Variants in STS observed in about 807,000 individuals in gnomAD.
STS encodes steroid sulfatase.
In STS, 7 loss-of-function variants were observed where a neutral mutation model predicts 26.8. That is an observed-to-expected ratio of 0.26 (90% CI 0.15 to 0.49). The LOEUF (loss-of-function observed/expected upper bound fraction) is 0.49. STS is among the 20% of genes least tolerant of loss of function. The pLI is 0.98. For missense variants in STS, 434 were observed against 465.6 expected (o/e 0.93, Z 0.63); for synonymous variants, 199 against 189.4 (o/e 1.05, Z -0.42).
chrX:7,325,313 C>T (rs779137436), intron 8 of STS, 26 bp from the exon 9 acceptor site: 6 of 1,207,278 alleles, frequency 5.0e-6, no homozygotes, highest in Non-Finnish European at 6.7e-6. Context: ...TCCCTGTTGC[C>T]TCTTACCTCT....
intron 10 of STS, among the ~76,000 whole-genome samples, chrX:7,335,355 C>G (rs1406119803): frequency 8.9e-6 from 1 of 112,271 alleles, no homozygotes; most frequent in African/African-American, 3.2e-5. Flanking sequence ...TCTCTGATGG[C>G]CAGTGATAAT....
chrX:7,147,428 C>A (rs1409992340), upstream of STS, among the ~76,000 whole-genome samples: 2 of 111,512 alleles, frequency 1.8e-5, no homozygotes, highest in Non-Finnish European at 3.8e-5. Flanking sequence ...CTGGTCTGGA[C>A]TCCACTAGAT....
intron 2 of STS, among the ~76,000 whole-genome samples, chrX:7,204,501 C>G (rs751822950): frequency 2.0e-5 from 2 of 98,803 alleles, no homozygotes; most frequent in East Asian, 3.4e-4. Flanking sequence ...TCCTTCCTCC[C>G]TCCCTCCTTT....
At chrX:7,192,529 A>C (rs1601640825) in intron 2 of STS, among the ~76,000 whole-genome samples, 2 of 105,481 alleles carry the variant, frequency 1.9e-5, no homozygotes, top group African/African-American at 7.0e-5. Flanking sequence ...GTGCCACTGC[A>C]CTCCAGCCTG....
At chrX:7,332,745 G>C (rs770580809) in intron 9 of STS, among the ~76,000 whole-genome samples, 1 of 111,388 alleles carries the variant, frequency 9.0e-6, no homozygotes, top group Non-Finnish European at 1.9e-5. Flanking sequence ...CTGCCATTTC[G>C]GGATGGAAAC....
At chrX:7,216,351 G>A (rs1921310305) in intron 2 of STS, among the ~76,000 whole-genome samples, 1 of 111,349 alleles carries the variant, frequency 9.0e-6, no homozygotes, top group Admixed American at 9.5e-5. Flanking sequence ...CTTCAACAGG[G>A]CTGCAACTCC....
upstream of STS, among the ~76,000 whole-genome samples, chrX:7,147,647 G>C (rs2146946150): frequency 8.9e-6 from 1 of 112,264 alleles, no homozygotes; most frequent in South Asian, 3.7e-4. Context: ...AGCTGAGGCT[G>C]GGCACCGCTC....
chrX:7,314,169 G>C (rs1180168745), intron 8 of STS, among the ~76,000 whole-genome samples: 1 of 111,715 alleles, frequency 9.0e-6, no homozygotes, highest in African/African-American at 3.3e-5. Context: ...AGTCTGGGCA[G>C]CATAGTTAGA....
chrX:7,267,623 T>C (rs1203876585), intron 6 of STS, among the ~76,000 whole-genome samples: 2 of 111,974 alleles, frequency 1.8e-5, no homozygotes, highest in Non-Finnish European at 3.8e-5. Flanking sequence ...TCACTTCGTG[T>C]TTTTCTCTGA....
At chrX:7,214,976 A>ATATATACG (rs1921199918) in intron 2 of STS, among the ~76,000 whole-genome samples, 1 of 41,483 alleles carries the variant, frequency 2.4e-5, no homozygotes, top group Non-Finnish European at 5.0e-5. Context: ...ATATATGTAT[A>ATATATACG]TATACATATA....
chrX:7,334,299 G>A (rs1172321759), intron 10 of STS, among the ~76,000 whole-genome samples, 192 bp downstream of exon 10: 1 of 111,180 alleles, frequency 9.0e-6, no homozygotes, highest in African/African-American at 3.3e-5. Flanking sequence ...TAGTTGTCCA[G>A]GTAGGAGGAC....
chrX:7,151,558 C>T (rs1933012186), intron 1 of STS, among the ~76,000 whole-genome samples: 1 of 112,331 alleles, frequency 8.9e-6, no homozygotes, highest in Non-Finnish European at 1.9e-5. Context: ...TGCTTTCCTC[C>T]AAGCCCAGTG....
chrX:7,175,007 C>T (rs765755573), intron 1 of STS, among the ~76,000 whole-genome samples: 7 of 110,827 alleles, frequency 6.3e-5, no homozygotes, highest in Non-Finnish European at 1.1e-4. Context: ...CAGAATTGAT[C>T]TTTTCATTGT....
At chrX:7,246,290 C>T (rs1195187256) in intron 2 of STS, among the ~76,000 whole-genome samples, 1 of 101,553 alleles carries the variant, frequency 9.8e-6, no homozygotes, top group African/African-American at 3.7e-5. Context: ...GAGACAGAGT[C>T]TCGCTCTGTC....
chrX:7,324,764 G>C (rs1159328345), intron 8 of STS, among the ~76,000 whole-genome samples: 6 of 111,615 alleles, frequency 5.4e-5, no homozygotes, highest in African/African-American at 1.6e-4. Context: ...TTTGCTGAGA[G>C]GAGGTGTCTA....
At chrX:7,287,467 CAT>C (rs1301236692) in intron 7 of STS, among the ~76,000 whole-genome samples, 1 of 110,818 alleles carries the variant, frequency 9.0e-6, no homozygotes, top group African/African-American at 3.3e-5. Flanking sequence ...GCCAGTATGA[CAT>C]ATTAATATCA....
chrX:7,275,945 T>TA lies in STS; in HGVS notation c.807-6_807-5insA. On this transcript the variant is annotated splice_polypyrimidine_tract_variant and splice_region_variant and intron_variant, in intron 6 of 10. Coordinates refer to ENST00000674429, the MANE Select transcript of STS (RefSeq NM_001320752.2). ...TTTTCCTCCCTTTTTTTTTTTTTTT[T>TA]TGCAGGAACACTGAGACTCCGTTCC... The TA allele has an allele frequency of 8.7e-7, 1 of 1,154,719 alleles. No individual in the cohort carries two copies. Among genetic ancestry groups the TA allele is most frequent in the Non-Finnish European group, 1.2e-6 (1 of 868,580 alleles).
intron 8 of STS, among the ~76,000 whole-genome samples, chrX:7,324,096 A>C (rs1743218746): frequency 9.0e-6 from 1 of 110,612 alleles, no homozygotes; most frequent in Admixed American, 9.7e-5. Context: ...TTTTAGGGAG[A>C]CATACAGCAT....
chrX:7,215,701 G>A (rs1003469229), intron 2 of STS, among the ~76,000 whole-genome samples: 4 of 111,460 alleles, frequency 3.6e-5, no homozygotes, highest in African/African-American at 9.8e-5. Context: ...AGGAGAACAA[G>A]GTTGGGGTTT....
Sources: gnomAD v4.1 joint callset for allele counts (sites outside exome capture counted in the v4.1 genomes callset) on GRCh38, gnomAD v4.1.1 for gene constraint, MANE v1.5 for transcripts, NCBI Gene and HGNC (gene_info 2026-07-23, HGNC 2026-07-21) for gene names.